The following MARCHF11 variants were observed in gnomAD, a reference collection of about 807,000 sequenced individuals.
MARCHF11 encodes E3 ubiquitin-protein ligase MARCHF11.
In MARCHF11, 29 loss-of-function variants were observed where a neutral mutation model predicts 37.3. The ratio of observed to expected loss-of-function variants is 0.78; its 90% CI spans 0.58 to 1.06. The LOEUF (loss-of-function observed/expected upper bound fraction) is 1.06. Ranked by LOEUF, MARCHF11 falls within the 50% of genes least tolerant of loss-of-function variation. The pLI, the probability that MARCHF11 is intolerant of heterozygous loss-of-function variation, is 0.00. For synonymous variants in MARCHF11, 233 were observed against 228.0 expected, an observed-to-expected ratio of 1.02 and a Z score of -0.20; for missense variants, 482 against 533.4, an observed-to-expected ratio of 0.90 and a Z score of 0.95.
intron 2 of MARCHF11, among the ~76,000 whole-genome samples, chr5:16,158,296 T>C (rs113716512): frequency 0.03 from 4,537 of 151,986 alleles, 238 homozygotes; most frequent in African/African-American, 0.1. Context: ...ATAGAACTGC[T>C]GTATGATCCA....
Position 16,126,902 on chromosome 5 carries a change from C to G in MARCHF11, c.694-35821G>C, listed in dbSNP as rs76079043. On this transcript the variant is annotated intron_variant, in intron 2 of 3. Transcript: ENST00000332432. ...ATTTTAGAAGAAGTCAAATTAACAA[C>G]TTGATTCAGGCATTAAAAATTGGGG... is the stretch of plus-strand genomic sequence containing the variant. Among the ~76,000 whole-genome samples, 303 of 152,244 alleles carry G rather than the reference C, an allele frequency of 2.0e-3. 2 individuals are homozygous for G. Among genetic ancestry groups the G allele is most frequent in the African/African-American group, 6.9e-3 (287 of 41,534 alleles).
chr5:16,091,327 A>C (rs1736788293), intron 2 of MARCHF11, among the ~76,000 whole-genome samples: 1 of 152,238 alleles, frequency 6.6e-6, no homozygotes, highest in African/African-American at 2.4e-5. Context: ...GTTTGATTCC[A>C]GATAATAGTA....
intron 2 of MARCHF11, chr5:16,140,891 A>G (rs1011139807): frequency 2.0e-5 from 3 of 152,246 alleles, no homozygotes; most frequent in African/African-American, 7.2e-5. Context: ...TTAATAAAAT[A>G]GAAAAACTTG....
chr5:16,126,515 C>G (rs1013438000), intron 2 of MARCHF11, among the ~76,000 whole-genome samples: 1 of 152,176 alleles, frequency 6.6e-6, no homozygotes, highest in African/African-American at 2.4e-5. Context: ...TTTAATACTT[C>G]TCATTGTTAT....
intron 2 of MARCHF11, among the ~76,000 whole-genome samples, chr5:16,140,133 A>G (rs965236584): frequency 3.3e-5 from 5 of 152,184 alleles, no homozygotes; most frequent in African/African-American, 1.2e-4. Context: ...AATGTCCTCT[A>G]TTGGAATCTC....
rs1310465122 is a variant in MARCHF11, at chr5:16,067,491, T to C, written c.1189A>G (p.Met397Val). ...SEDNSSGEVV[M>V]RVTSV ...TTTTGTCACACTGAAGTCACTCTCA[T>C]CACAACCTCCCCCGAGCTGTTATCT... The change falls in exon 4 of 4, where the codon ATG (methionine) becomes GTG (valine). Residue 397 changes from methionine (M) to valine (V), a missense_variant. Met to Val is a conservative substitution (Grantham distance 21, BLOSUM62 1). Transcript: ENST00000332432. 6.2e-7 allele frequency: 1 copy of C among 1,613,590 alleles called. No homozygotes were observed. The highest frequency in any genetic ancestry group is 8.5e-7 in the Non-Finnish European group (1 of 1,179,542).
intron 3 of MARCHF11, among the ~76,000 whole-genome samples, chr5:16,073,705 A>T (rs938131243): frequency 3.3e-5 from 5 of 152,010 alleles, no homozygotes; most frequent in African/African-American, 1.2e-4. Context: ...TCATCACAGA[A>T]GTCACTAAGC....
chr5:16,157,800 C>CA (rs1738002551), intron 2 of MARCHF11, among the ~76,000 whole-genome samples: 2 of 151,606 alleles, frequency 1.3e-5, no homozygotes, highest in Non-Finnish European at 2.9e-5. Context: ...GAGATGATAC[C>CA]AAAAACACAA....
chr5:16,111,484 T>A (rs2126570472), intron 2 of MARCHF11, among the ~76,000 whole-genome samples: 1 of 152,208 alleles, frequency 6.6e-6, no homozygotes, highest in East Asian at 1.9e-4. Context: ...ACTTTGAACT[T>A]GAGGGAGATG....
intron 3 of MARCHF11, among the ~76,000 whole-genome samples, chr5:16,068,804 A>C (rs1736390893): frequency 6.6e-6 from 1 of 152,230 alleles, no homozygotes; most frequent in African/African-American, 2.4e-5. Flanking sequence ...TGAAGTGAGG[A>C]AGAGCTCTTC....
intron 3 of MARCHF11, among the ~76,000 whole-genome samples, chr5:16,082,397 A>T (rs1736626135): frequency 6.6e-6 from 1 of 152,220 alleles, no homozygotes; most frequent in African/African-American, 2.4e-5. Flanking sequence ...GAGCTACCAG[A>T]ACATGCCAAC....
chr5:16,111,917 G>A (rs1361496559), intron 2 of MARCHF11, among the ~76,000 whole-genome samples: 1 of 152,172 alleles, frequency 6.6e-6, no homozygotes, highest in Non-Finnish European at 1.5e-5. Flanking sequence ...GTACAGCTTG[G>A]GCCATGGCTT....
intron 2 of MARCHF11, among the ~76,000 whole-genome samples, chr5:16,107,351 C>G (rs1737062063): frequency 6.7e-6 from 1 of 149,968 alleles, no homozygotes; most frequent in East Asian, 2.0e-4. Context: ...TTTTGAAAAT[C>G]AGATTACCAT....
intron 2 of MARCHF11, among the ~76,000 whole-genome samples, chr5:16,127,327 G>A (rs1737427272): frequency 6.6e-6 from 1 of 152,164 alleles, no homozygotes. Flanking sequence ...GGTCACACAA[G>A]GGCAGGCCAT....
chr5:16,166,800 C>A (rs574585660), intron 2 of MARCHF11, among the ~76,000 whole-genome samples: 5 of 152,108 alleles, frequency 3.3e-5, no homozygotes, highest in Admixed American at 3.3e-4. Context: ...GTACCCCACT[C>A]TAATCAAGTA....
chr5:16,077,927 G>A (rs1736546858), intron 3 of MARCHF11, among the ~76,000 whole-genome samples: 1 of 151,928 alleles, frequency 6.6e-6, no homozygotes, highest in Non-Finnish European at 1.5e-5. Flanking sequence ...GAATACTTTG[G>A]GCTTTCAAGG....
chr5:16,105,128 C>T (rs1737017090), intron 2 of MARCHF11, among the ~76,000 whole-genome samples: 1 of 152,204 alleles, frequency 6.6e-6, no homozygotes, highest in African/African-American at 2.4e-5. Flanking sequence ...GGCACTGCTG[C>T]CCCACCCATC....
intron 2 of MARCHF11, among the ~76,000 whole-genome samples, chr5:16,094,492 C>A (rs1205845762): frequency 3.3e-5 from 5 of 151,976 alleles, no homozygotes; most frequent in African/African-American, 1.2e-4. Flanking sequence ...TAAAGAGATA[C>A]ATAGGAGTGT....
chr5:16,096,488 T>C (rs909503861), intron 2 of MARCHF11, among the ~76,000 whole-genome samples: 8 of 152,238 alleles, frequency 5.3e-5, no homozygotes, highest in Non-Finnish European at 1.0e-4. Flanking sequence ...TCTGAAAATG[T>C]ACATGGCCCA....
Sources: gnomAD v4.1 joint callset for allele counts (sites outside exome capture counted in the v4.1 genomes callset) on GRCh38, gnomAD v4.1.1 for gene constraint, MANE v1.5 for transcripts, NCBI Gene and HGNC (gene_info 2026-07-23, HGNC 2026-07-21) for gene names.